DOCK11: variants seen among roughly 807,000 people sequenced by gnomAD.
DOCK11 encodes the protein dedicator of cytokinesis protein 11.
DOCK11 carries 70 observed loss-of-function variants against 169.1 expected under a neutral mutation model. The ratio of observed to expected loss-of-function variants is 0.41; its 90% CI spans 0.34 to 0.51. The LOEUF is 0.51. DOCK11 is among the 20% of genes least tolerant of loss of function. The pLI, the probability that DOCK11 is intolerant of heterozygous loss-of-function variation, is 0.10. For synonymous variants in DOCK11, 529 were observed against 541.3 expected (o/e 0.98, Z 0.32); for missense variants, 1,166 against 1,538.8 (o/e 0.76, Z 4.05).
intron 1 of DOCK11, among the ~76,000 whole-genome samples, chrX:118,516,022 T>TATATA (rs1477771599): frequency 1.1e-5 from 1 of 88,294 alleles, no homozygotes; most frequent in Non-Finnish European, 2.2e-5. Context: ...TATATATACA[T>TATATA]TCTTACACCA....
At chrX:118,549,111 T>C (rs2012392565) in intron 6 of DOCK11, among the ~76,000 whole-genome samples, 2 of 105,127 alleles carry the variant, frequency 1.9e-5, no homozygotes, top group African/African-American at 7.6e-5. Flanking sequence ...ATATTCTGTG[T>C]GTGTGTGTGT....
intron 1 of DOCK11, among the ~76,000 whole-genome samples, chrX:118,504,115 T>G (rs1203413908): frequency 9.0e-6 from 1 of 111,074 alleles, no homozygotes; most frequent in Admixed American, 9.5e-5. Context: ...GGTCATTGGT[T>G]TCCCAGTCTT....
chrX:118,576,690 TCAAA>T (rs917005584), intron 12 of DOCK11, among the ~76,000 whole-genome samples: 1 of 112,320 alleles, frequency 8.9e-6, no homozygotes, highest in African/African-American at 3.2e-5. Flanking sequence ...GACAGTGATC[TCAAA>T]CAAGTGAAAA....
chrX:118,610,406 T>C lies in DOCK11; in HGVS notation c.3084T>C (p.Ala1028=), dbSNP rs2014652019. ...DESRNVNYSL[A]SFLKRCLTLM... is the part of the protein sequence containing the mutation. ...CCAGAAATGTGAACTATAGTTTGGC[T>C]AGCTTCCTGAAGGTGAGTTCAAGGC... Residue 1028 remains alanine (A), a synonymous_variant, in exon 28 of 53, where the codon GCT becomes GCC. Transcript: ENST00000276202. The C allele has an allele frequency of 8.3e-7, 1 of 1,210,969 alleles. No homozygotes were observed. The highest frequency in any genetic ancestry group is 1.1e-6 in the Non-Finnish European group (1 of 895,239).
rs1226412233 is a variant in DOCK11 at position 118,591,566 on chromosome X, C to CT, written c.2139+1275dup. On this transcript the variant is annotated intron_variant, in intron 19 of 52. Coordinates refer to ENST00000276202, the MANE Select transcript of DOCK11 (RefSeq NM_144658.4). ...GGATACCTAAAATGAACATGCTTTT[C>CT]TTTTTTTTTTTATAGCTCTGATTTT... 7.2e-3 allele frequency among the ~76,000 whole-genome samples: 716 copies of CT among 99,830 alleles called. 6 individuals are homozygous for CT. Among genetic ancestry groups the CT allele is most frequent in the African/African-American group, 0.024 (670 of 27,995 alleles). 86.7% of individuals were successfully genotyped at this position (99,830 alleles called of 115,157 possible). A position where few individuals can be genotyped will look rare whatever the true frequency, so the allele number is the denominator to read the frequency against.
chrX:118,639,262 A>G (rs1468052771), intron 37 of DOCK11, among the ~76,000 whole-genome samples, 173 bp from the exon 38 acceptor site: 4 of 112,571 alleles, frequency 3.6e-5, no homozygotes, highest in Non-Finnish European at 5.6e-5. Flanking sequence ...ATATTCATAT[A>G]TGCTATTTTA....
chrX:118,655,034 C>A, intron 44 of DOCK11, 73 bp downstream of exon 44: 1 of 977,042 alleles, frequency 1.0e-6, no homozygotes, highest in Non-Finnish European at 1.4e-6. Flanking sequence ...TGTAGTTTAG[C>A]TATGAATATG....
chrX:118,608,240 C>A lies in DOCK11; in HGVS notation c.2761C>A (p.Arg921=). ...GTTTGTTTATTTGTAGTATAGCTTC[C>A]GACCTGAAAAACCGAGTGCTCCTCA... ...YLRSFIKYSF[R]PEKPSAPQAQ... Residue 921 remains arginine, a synonymous_variant, in exon 26 of 53, where the codon CGA becomes AGA. Coordinates refer to ENST00000276202, the MANE Select transcript of DOCK11 (RefSeq NM_144658.4). 8.3e-7 allele frequency: 1 copy of A among 1,204,899 alleles called. No homozygotes were observed. Among genetic ancestry groups the A allele is most frequent in the Non-Finnish European group, 1.1e-6 (1 of 893,137 alleles).
intron 1 of DOCK11, among the ~76,000 whole-genome samples, chrX:118,512,338 C>CA (rs1314760285): frequency 8.9e-6 from 1 of 111,968 alleles, no homozygotes; most frequent in Admixed American, 9.5e-5. Context: ...TTTTCCATTA[C>CA]AAAGACCAAG....
chrX:118,496,117 G>A, intron 1 of DOCK11, 44 bp downstream of exon 1: 4 of 903,325 alleles, frequency 4.4e-6, no homozygotes, highest in Non-Finnish European at 5.6e-6. Flanking sequence ...CGCGCTCCAG[G>A]CGGGAGCGAC....
intron 6 of DOCK11, among the ~76,000 whole-genome samples, chrX:118,554,557 C>T (rs1353633255): frequency 9.0e-6 from 1 of 110,759 alleles, no homozygotes; most frequent in Non-Finnish European, 1.9e-5. Flanking sequence ...CTCAAAAAAA[C>T]AAAACAAAAC....
intron 1 of DOCK11, among the ~76,000 whole-genome samples, chrX:118,527,194 T>G (rs896019340): frequency 2.7e-5 from 3 of 112,609 alleles, no homozygotes; most frequent in African/African-American, 9.7e-5. Flanking sequence ...AACTACCATT[T>G]AAACAAAACA....
intron 1 of DOCK11, among the ~76,000 whole-genome samples, chrX:118,535,065 C>A (rs2011706193): frequency 8.9e-6 from 1 of 112,013 alleles, no homozygotes; most frequent in African/African-American, 3.3e-5. Flanking sequence ...ATCATCAGGG[C>A]GATAGGAAGG....
At chrX:118,631,868 CACACACAT>C (rs2015251031) in intron 35 of DOCK11, among the ~76,000 whole-genome samples, 1 of 111,143 alleles carries the variant, frequency 9.0e-6, no homozygotes, top group Non-Finnish European at 1.9e-5. Flanking sequence ...GTAGGTCTCA[CACACACAT>C]ACACACACAT....
intron 1 of DOCK11, among the ~76,000 whole-genome samples, chrX:118,506,919 T>G (rs1187748505): frequency 1.8e-5 from 2 of 110,342 alleles, no homozygotes; most frequent in African/African-American, 3.3e-5. Flanking sequence ...CCCCCGTCTT[T>G]CCAAAAAAAT....
chrX:118,590,571 C>T (rs770108898), intron 19 of DOCK11, among the ~76,000 whole-genome samples: 1 of 111,809 alleles, frequency 8.9e-6, no homozygotes, highest in African/African-American at 3.2e-5. Flanking sequence ...TTCTAGCCCT[C>T]CTAGCTTTGA....
intron 24 of DOCK11, among the ~76,000 whole-genome samples, chrX:118,607,097 T>C (rs1396855918): frequency 9.5e-6 from 1 of 105,735 alleles, no homozygotes; most frequent in Non-Finnish European, 1.9e-5. Context: ...CTTTCCCTTT[T>C]CTTTTCCTTT....
chrX:118,553,157 C>T (rs1299889688), intron 6 of DOCK11, among the ~76,000 whole-genome samples: 1 of 111,626 alleles, frequency 9.0e-6, no homozygotes, highest in Non-Finnish European at 1.9e-5. Context: ...ACAATCCTAA[C>T]AGACCCCTAT....
At chrX:118,498,764 T>A (rs1031802382) in intron 1 of DOCK11, among the ~76,000 whole-genome samples, 18 of 111,142 alleles carry the variant, frequency 1.6e-4, no homozygotes, top group Admixed American at 3.8e-4. Flanking sequence ...GTTTTTTTTT[T>A]ATTTTTTTTT....
Sources: gnomAD v4.1 joint callset for allele counts (sites outside exome capture counted in the v4.1 genomes callset) on GRCh38, gnomAD v4.1.1 for gene constraint, MANE v1.5 for transcripts, NCBI Gene and HGNC (gene_info 2026-07-23, HGNC 2026-07-21) for gene names.